The following TRIM2 variants were observed in gnomAD, a reference collection of about 807,000 sequenced individuals.
The protein encoded by TRIM2 is tripartite motif-containing protein 2.
In TRIM2, 20 loss-of-function variants were observed where a neutral mutation model predicts 75.2. The ratio of observed to expected loss-of-function variants is 0.27; its 90% CI spans 0.19 to 0.39. The LOEUF is 0.39. Among genes scored for constraint, TRIM2 ranks in the 10% least tolerant of loss-of-function variants. The pLI is 1.00. For synonymous variants in TRIM2, 373 were observed against 388.3 expected (o/e 0.96, Z 0.46); for missense variants, 660 against 990.8 (o/e 0.67, Z 4.48).
chr4:153,255,698 C>T (rs1367934340), intron 1 of TRIM2, among the ~76,000 whole-genome samples: 4 of 152,138 alleles, frequency 2.6e-5, no homozygotes, highest in African/African-American at 7.2e-5. Flanking sequence ...TGGAAACAAC[C>T]CAGTGTCCAT....
At chr4:153,244,555 C>G (rs1748591206) in intron 1 of TRIM2, among the ~76,000 whole-genome samples, 1 of 151,042 alleles carries the variant, frequency 6.6e-6, no homozygotes, top group Non-Finnish European at 1.5e-5. Context: ...ACCACTGCAC[C>G]TAGCAACACA....
chr4:153,323,968 T>A, intron 9 of TRIM2, 110 bp from the exon 10 acceptor site: 1 of 835,650 alleles, frequency 1.2e-6, no homozygotes, highest in Non-Finnish European at 1.9e-6. Flanking sequence ...TGATTCTTTG[T>A]ACTTTCTTAA....
Position 153,334,980 on chromosome 4 carries a change from G to T in TRIM2, c.*14G>T. ...TACTTACAGTAATGGTGGGCAGGTG[G>T]ATACCCGCTTCCATGGTCTTGCACT... On this transcript the variant is annotated 3_prime_UTR_variant, in exon 12 of 12. Transcript: ENST00000338700. 1 of 1,607,100 alleles carries T rather than the reference G, an allele frequency of 6.2e-7. No individual in the cohort carries two copies. Among genetic ancestry groups the T allele is most frequent in the East Asian group, 2.2e-5 (1 of 44,732 alleles).
intron 10 of TRIM2, among the ~76,000 whole-genome samples, chr4:153,326,801 C>T (rs780306699): frequency 2.0e-5 from 3 of 151,972 alleles, no homozygotes; most frequent in South Asian, 2.1e-4. Context: ...GCCAACAGGG[C>T]GAAACCTCGT....
At chr4:153,245,121 G>T (rs62323705) in intron 1 of TRIM2, among the ~76,000 whole-genome samples, 2,570 of 152,354 alleles carry the variant, frequency 0.017, 29 homozygotes, top group Non-Finnish European at 0.026. Flanking sequence ...TCTTGCACCA[G>T]TCAGGAGCAG....
intron 1 of TRIM2, among the ~76,000 whole-genome samples, chr4:153,213,448 C>T (rs996136559): frequency 5.9e-5 from 9 of 152,184 alleles, no homozygotes; most frequent in African/African-American, 2.2e-4. Flanking sequence ...GAATCGCTAA[C>T]AAAGTGATGG....
chr4:153,199,045 A>T (rs1560804334), intron 1 of TRIM2, among the ~76,000 whole-genome samples: 1 of 152,236 alleles, frequency 6.6e-6, no homozygotes, highest in Non-Finnish European at 1.5e-5. Flanking sequence ...CTGCCTCTGT[A>T]ATCATTTTGT....
At chr4:153,315,169 G>A (rs1391196811) in intron 6 of TRIM2, among the ~76,000 whole-genome samples, 1 of 152,206 alleles carries the variant, frequency 6.6e-6, no homozygotes, top group Admixed American at 6.5e-5. Flanking sequence ...TCAGATAAAG[G>A]CAGGCCGTAT....
intron 1 of TRIM2, among the ~76,000 whole-genome samples, chr4:153,206,798 A>C (rs937652712): frequency 1.3e-5 from 2 of 152,202 alleles, no homozygotes; most frequent in African/African-American, 2.4e-5. Context: ...TCCAGAGGCA[A>C]TCTGGGAGCC....
chr4:153,326,291 T>C (rs529908219), intron 10 of TRIM2, among the ~76,000 whole-genome samples: 1 of 152,310 alleles, frequency 6.6e-6, no homozygotes, highest in Admixed American at 6.5e-5. Flanking sequence ...ACTCTTCAAG[T>C]TTTCAGCATG....
At chr4:153,204,358 T>C, upstream of TRIM2, 1 of 665,106 alleles carries the variant, frequency 1.5e-6, no homozygotes, top group Middle Eastern at 4.1e-4. Flanking sequence ...TCATTGGCTC[T>C]CATTGTCCCC....
intron 1 of TRIM2, among the ~76,000 whole-genome samples, chr4:153,184,848 A>C (rs1732431828): frequency 6.6e-6 from 1 of 152,162 alleles, no homozygotes; most frequent in African/African-American, 2.4e-5. Flanking sequence ...TGCCACCTTC[A>C]TGCCTGGTGA....
At chr4:153,252,193 T>A (rs1042927857) in intron 1 of TRIM2, among the ~76,000 whole-genome samples, 1 of 152,172 alleles carries the variant, frequency 6.6e-6, no homozygotes, top group Admixed American at 6.5e-5. Flanking sequence ...GTTTATAAGC[T>A]CCTGATTTGT....
intron 1 of TRIM2, among the ~76,000 whole-genome samples, chr4:153,212,395 A>G (rs1038154141): frequency 1.2e-4 from 18 of 152,222 alleles, no homozygotes; most frequent in Non-Finnish European, 8.8e-5. Flanking sequence ...AAAGGTGGGA[A>G]GATGGAAGGG....
At chr4:153,175,363 A>G (rs1731316367) in intron 1 of TRIM2, among the ~76,000 whole-genome samples, 1 of 151,988 alleles carries the variant, frequency 6.6e-6, no homozygotes, top group South Asian at 2.1e-4. Flanking sequence ...TTCCTTGGGC[A>G]GTTATCGGAA....
intron 1 of TRIM2, among the ~76,000 whole-genome samples, chr4:153,184,433 T>TA (rs1732390101): frequency 6.6e-6 from 1 of 152,192 alleles, no homozygotes; most frequent in Non-Finnish European, 1.5e-5. Flanking sequence ...TGACCTCGTT[T>TA]AACTTAATTA....
intron 6 of TRIM2, among the ~76,000 whole-genome samples, chr4:153,306,362 T>C (rs1764996295): frequency 1.3e-5 from 2 of 152,230 alleles, no homozygotes; most frequent in Admixed American, 6.5e-5. Flanking sequence ...ATTGTCATTA[T>C]CATTATTAAC....
At chr4:153,222,027 A>AAGGAAGGAAAGAGCGAGGG (rs1740587617) in intron 1 of TRIM2, among the ~76,000 whole-genome samples, 1 of 34,312 alleles carries the variant, frequency 2.9e-5, no homozygotes, top group African/African-American at 9.0e-5. Context: ...AAGAGCAAGG[A>AAGGAAGGAAAGAGCGAGGG]AGGAAGGAAA....
At chr4:153,176,835 T>C (rs1731485368) in intron 1 of TRIM2, among the ~76,000 whole-genome samples, 1 of 152,130 alleles carries the variant, frequency 6.6e-6, no homozygotes, top group Non-Finnish European at 1.5e-5. Flanking sequence ...GGTCTCGAAC[T>C]CCTGACCTCA....
Sources: gnomAD v4.1 joint callset for allele counts (sites outside exome capture counted in the v4.1 genomes callset) on GRCh38, gnomAD v4.1.1 for gene constraint, MANE v1.5 for transcripts, NCBI Gene and HGNC (gene_info 2026-07-23, HGNC 2026-07-21) for gene names.